PDE7A: variants seen among roughly 807,000 people sequenced by gnomAD.
PDE7A encodes phosphodiesterase 7A.
Under a neutral mutation model 64.3 loss-of-function variants are expected in PDE7A, and 39 were observed. That is an observed-to-expected ratio of 0.61 (90% CI 0.47 to 0.79). The LOEUF (loss-of-function observed/expected upper bound fraction) is 0.79, where lower values mean the gene tolerates loss of function less well. Ranked by LOEUF, PDE7A falls within the 30% of genes least tolerant of loss-of-function variation. PDE7A has a pLI of 0.00. For missense variants in PDE7A, 470 were observed against 582.8 expected (o/e 0.81, Z 1.99); for synonymous variants, 203 against 206.8 (o/e 0.98, Z 0.16).
intron 3 of PDE7A, among the ~76,000 whole-genome samples, chr8:65,762,164 G>A (rs1024058672): frequency 6.6e-6 from 1 of 152,176 alleles, no homozygotes; most frequent in Non-Finnish European, 1.5e-5. Context: ...GCAAGGTCAT[G>A]TTGAATGGCG....
At chr8:65,799,999 T>G (rs1408268669) in intron 1 of PDE7A, among the ~76,000 whole-genome samples, 1 of 152,228 alleles carries the variant, frequency 6.6e-6, no homozygotes, top group African/African-American at 2.4e-5. Context: ...ATTCCAGGCA[T>G]CTAGCTAGCC....
intron 1 of PDE7A, among the ~76,000 whole-genome samples, chr8:65,783,393 C>A (rs1188310169): frequency 6.6e-6 from 1 of 152,208 alleles, no homozygotes; most frequent in Non-Finnish European, 1.5e-5. Context: ...GCCTCCCCCA[C>A]TGCTAGGAGA....
In PDE7A at chr8:65,715,371, A is replaced by C. The variant is rs1266916995; in HGVS notation, c.*3919T>G. Among the ~76,000 whole-genome samples the C allele has an allele frequency of 6.6e-6, 1 of 151,308 alleles. No individual in the cohort carries two copies. Among genetic ancestry groups the C allele is most frequent in the Non-Finnish European group, 1.5e-5 (1 of 67,874 alleles). On this transcript the variant is annotated 3_prime_UTR_variant, in exon 13 of 13. Transcript: ENST00000401827. ...GCCAACAAAGAGAGACCCTGTCTCTATAAAAAAGTTTTTTTTTTTTTTTTG... is the reference window on the plus strand; with the variant it reads ...GCCAACAAAGAGAGACCCTGTCTCTCTAAAAAAGTTTTTTTTTTTTTTTTG...
intron 1 of PDE7A, among the ~76,000 whole-genome samples, chr8:65,815,788 CTTT>C (rs1810386856): frequency 6.6e-6 from 1 of 152,146 alleles, no homozygotes; most frequent in Non-Finnish European, 1.5e-5. Flanking sequence ...TTGTAACTAA[CTTT>C]TACAAAACTA....
chr8:65,795,407 T>C (rs1391266898), intron 1 of PDE7A, among the ~76,000 whole-genome samples: 1 of 152,136 alleles, frequency 6.6e-6, no homozygotes, highest in Non-Finnish European at 1.5e-5. Flanking sequence ...AGGAGGGAGC[T>C]GTGAGGACAA....
At chr8:65,737,929 C>A (rs1807221105) in intron 6 of PDE7A, among the ~76,000 whole-genome samples, 1 of 152,192 alleles carries the variant, frequency 6.6e-6, no homozygotes, top group Admixed American at 6.5e-5. Context: ...TTTGTAATTT[C>A]TCTCTACTTA....
intron 3 of PDE7A, among the ~76,000 whole-genome samples, chr8:65,770,028 A>G (rs1410195118): frequency 6.6e-6 from 1 of 152,224 alleles, no homozygotes; most frequent in Non-Finnish European, 1.5e-5. Flanking sequence ...ATTTCAAAAC[A>G]CATACAAAAA....
intron 1 of PDE7A, among the ~76,000 whole-genome samples, chr8:65,800,084 A>AGAT (rs34494350): frequency 0.12 from 17,706 of 152,176 alleles, 1,047 homozygotes; most frequent in Middle Eastern, 0.14. Context: ...AAAGCTCCAG[A>AGAT]GATGTTTGCT....
At chr8:65,722,520 C>G (rs757355148) in intron 12 of PDE7A, 1 of 152,214 alleles carries the variant, frequency 6.6e-6, no homozygotes, top group Non-Finnish European at 1.5e-5. Context: ...CAGTCTGATT[C>G]TCAAAGGCCC....
chr8:65,739,235 T>C (rs1483017688), intron 6 of PDE7A, among the ~76,000 whole-genome samples: 1 of 152,246 alleles, frequency 6.6e-6, no homozygotes, highest in East Asian at 1.9e-4. Context: ...TCAGGCCTGG[T>C]ATCCTAGCTG....
chr8:65,755,471 T>C (rs1255585927), intron 3 of PDE7A, among the ~76,000 whole-genome samples: 1 of 152,242 alleles, frequency 6.6e-6, no homozygotes, highest in Non-Finnish European at 1.5e-5. Context: ...TATAAAGACC[T>C]AGTTTGAATA....
At position 65,747,649 on chromosome 8, in the gene PDE7A, C is replaced by T. The variant is rs565134862; in HGVS notation, c.435+3G>A. On this transcript the variant is annotated splice_donor_region_variant and intron_variant, in intron 4 of 12. Transcript: ENST00000401827. ...AATGTTTTCTTAAAAAAACTATACACACCTTGGCTTGTCCATTATAATCAT... is the reference window on the plus strand; with the variant it reads ...AATGTTTTCTTAAAAAAACTATACATACCTTGGCTTGTCCATTATAATCAT... The T allele has an allele frequency of 1.9e-6, 3 of 1,596,072 alleles. No individual in the cohort carries two copies. The highest frequency in any genetic ancestry group is 1.7e-4 in the Middle Eastern group (1 of 6,014).
intron 3 of PDE7A, among the ~76,000 whole-genome samples, chr8:65,778,028 A>G (rs1054430494): frequency 1.3e-5 from 2 of 152,052 alleles, no homozygotes; most frequent in African/African-American, 4.8e-5. Context: ...CTAGGACCTT[A>G]ATTACTTTTT....
chr8:65,823,190 CCA>C (rs770631085), intron 1 of PDE7A, among the ~76,000 whole-genome samples: 68 of 152,002 alleles, frequency 4.5e-4, no homozygotes, highest in Non-Finnish European at 8.4e-4. Context: ...GTTTGAAAAA[CCA>C]CACCTCAAAT....
intron 2 of PDE7A, among the ~76,000 whole-genome samples, chr8:65,780,137 T>TA (rs35971102): frequency 0.043 from 6,530 of 151,182 alleles, 224 homozygotes; most frequent in African/African-American, 0.098. Context: ...TTTTTTTTTT[T>TA]AAAAAAAGGC....
At chr8:65,773,665 A>G (rs1298856993) in intron 3 of PDE7A, among the ~76,000 whole-genome samples, 1 of 152,038 alleles carries the variant, frequency 6.6e-6, no homozygotes, top group Non-Finnish European at 1.5e-5. Flanking sequence ...ACTAACATTG[A>G]TATGTTTGGT....
At position 65,719,261 on chromosome 8, in the gene PDE7A, GAGGC is replaced by G; in HGVS notation, c.*25_*28del. On this transcript the variant is annotated 3_prime_UTR_variant, in exon 13 of 13. Transcript: ENST00000401827. ...ATTTCACATTTCTAAAAACCTCCAG[GAGGC>G]AGTTTGTCCCACTGGTTCTGGGGGT... 1 of 1,507,638 alleles carries G rather than the reference GAGGC, an allele frequency of 6.6e-7. No homozygotes were observed. The highest frequency in any genetic ancestry group is 9.2e-7 in the Non-Finnish European group (1 of 1,082,946). 93.4% of individuals were successfully genotyped at this position (1,507,638 alleles called of 1,614,324 possible). A position where few individuals can be genotyped will look rare whatever the true frequency, so the allele number is the denominator to read the frequency against.
chr8:65,820,445 C>T (rs1810516097), intron 1 of PDE7A, among the ~76,000 whole-genome samples: 1 of 151,972 alleles, frequency 6.6e-6, no homozygotes, highest in Admixed American at 6.6e-5. Context: ...ATTAAATGTA[C>T]CAAATGATCA....
At chr8:65,744,500 T>C (rs1292398589) in intron 5 of PDE7A, among the ~76,000 whole-genome samples, 1 of 152,110 alleles carries the variant, frequency 6.6e-6, no homozygotes, top group African/African-American at 2.4e-5. Flanking sequence ...GACCCCTCCA[T>C]CCAGAACCAA....
Sources: gnomAD v4.1 joint callset for allele counts (sites outside exome capture counted in the v4.1 genomes callset) on GRCh38, gnomAD v4.1.1 for gene constraint, MANE v1.5 for transcripts, NCBI Gene and HGNC (gene_info 2026-07-23, HGNC 2026-07-21) for gene names.